The following ALKBH3 variants were observed in gnomAD, a reference collection of about 807,000 sequenced individuals.
ALKBH3 encodes alpha-ketoglutarate-dependent dioxygenase alkB homolog 3.
In ALKBH3, 51 loss-of-function variants were observed where a neutral mutation model predicts 43.9. The ratio of observed to expected loss-of-function variants is 1.16; its 90% CI spans 0.93 to 1.47. ALKBH3 has a LOEUF of 1.47. Ranked by LOEUF, ALKBH3 falls within the 40% of genes most tolerant of loss-of-function variation. ALKBH3 has a pLI of 0.00. For missense variants in ALKBH3, 361 were observed against 351.9 expected, an observed-to-expected ratio of 1.03 and a Z score of -0.21; for synonymous variants, 102 against 115.2, an observed-to-expected ratio of 0.89 and a Z score of 0.73.
rs1951770782 is a variant in ALKBH3 at position 43,889,807 on chromosome 11, C to G, written c.349C>G (p.Gln117Glu). Residue 117 changes from glutamine (Q) to glutamate (E), a missense_variant, in exon 6 of 10, where the codon CAG (glutamine) becomes GAG (glutamate). Physicochemically the swap from Gln to Glu is conservative, Grantham distance 29 (BLOSUM62 2). Transcript: ENST00000302708. ...EQLCQDVPWKQRTGIREDITY... is the reference protein window; with the variant it reads ...EQLCQDVPWKERTGIREDITY... ...GCTTTGTCAAGATGTTCCCTGGAAACAGAGGACTGGCATCAGAGAGGGTAA... is the reference window on the plus strand; with the variant it reads ...GCTTTGTCAAGATGTTCCCTGGAAAGAGAGGACTGGCATCAGAGAGGGTAA... 1 of 1,613,726 alleles carries G rather than the reference C, an allele frequency of 6.2e-7. No individual in the cohort carries two copies. Among genetic ancestry groups the G allele is most frequent in the African/African-American group, 1.3e-5 (1 of 74,916 alleles).
chr11:43,903,028 A>G (rs1228881352), intron 8 of ALKBH3, among the ~76,000 whole-genome samples: 2 of 152,214 alleles, frequency 1.3e-5, no homozygotes, highest in East Asian at 1.9e-4. Flanking sequence ...TTGGGTTTCC[A>G]TGCATGGTAT....
intron 5 of ALKBH3, among the ~76,000 whole-genome samples, chr11:43,887,311 A>AT (rs1193219542): frequency 2.0e-5 from 3 of 151,916 alleles, no homozygotes; most frequent in East Asian, 3.9e-4. Context: ...AAGATTGAAT[A>AT]TTTTTTTCTT....
intron 8 of ALKBH3, among the ~76,000 whole-genome samples, chr11:43,917,762 T>C (rs1244344726): frequency 6.6e-6 from 1 of 152,198 alleles, no homozygotes; most frequent in Non-Finnish European, 1.5e-5. Context: ...GGTAAATGTT[T>C]TGGTGCCCAC....
rs762652081 is a variant in ALKBH3 at position 43,919,965 on chromosome 11, G to C, written c.816G>C (p.Leu272=). 4 of 1,614,170 alleles carry C rather than the reference G, an allele frequency of 2.5e-6. No homozygotes were observed. Among genetic ancestry groups the C allele is most frequent in the Non-Finnish European group, 3.4e-6 (4 of 1,180,024 alleles). Residue 272 remains leucine, a synonymous_variant, in exon 10 of 10, where the codon CTG becomes CTC. Coordinates refer to ENST00000302708, the MANE Select transcript of ALKBH3 (RefSeq NM_139178.4). ...ACTCTAGAGAACCGAGAGTGAACCT[G>C]ACCTTTCGGACAGTCTATCCAGACC... is the stretch of plus-strand genomic sequence containing the variant. ...EYHSREPRVN[L]TFRTVYPDPR... is the part of the protein sequence containing the mutation.
chr11:43,889,856 G>A, intron 6 of ALKBH3, 28 bp downstream of exon 6: 1 of 1,553,928 alleles, frequency 6.4e-7, no homozygotes, highest in South Asian at 1.1e-5. Context: ...GTCACAGTTG[G>A]TGCTGCGTGT....
intron 7 of ALKBH3, among the ~76,000 whole-genome samples, chr11:43,892,387 T>C (rs938973919): frequency 2.0e-5 from 3 of 152,200 alleles, no homozygotes; most frequent in Non-Finnish European, 4.4e-5. Flanking sequence ...ATATCCCTCT[T>C]TCCCAAGCTT....
intron 8 of ALKBH3, among the ~76,000 whole-genome samples, chr11:43,918,077 C>T (rs985286739): frequency 1.3e-5 from 2 of 152,142 alleles, no homozygotes; most frequent in Admixed American, 6.5e-5. Context: ...CCCTTTCTAC[C>T]GGAAGTGAAG....
intron 6 of ALKBH3, among the ~76,000 whole-genome samples, chr11:43,890,757 G>A (rs368369577): frequency 9.2e-5 from 14 of 152,046 alleles, no homozygotes; most frequent in Non-Finnish European, 1.3e-4. Flanking sequence ...CCAGCTACTC[G>A]GGAGGCTGAG....
intron 8 of ALKBH3, among the ~76,000 whole-genome samples, chr11:43,915,510 G>A (rs1951976551): frequency 1.3e-5 from 2 of 152,078 alleles, no homozygotes; most frequent in African/African-American, 4.8e-5. Context: ...TCTGCTTGCA[G>A]CAGCTTTTTA....
intron 6 of ALKBH3, 138 bp from the exon 7 acceptor site, chr11:43,891,903 G>A (rs1951786798): frequency 4.6e-6 from 3 of 648,440 alleles, no homozygotes; most frequent in Non-Finnish European, 8.1e-6. Context: ...TTCTGTGAAG[G>A]TGGAACTTTG....
At position 43,901,699 on chromosome 11, in the gene ALKBH3, T is replaced by C. The variant is rs1203815692; in HGVS notation, c.643T>C (p.Phe215Leu). The stretch of plus-strand genomic sequence containing the variant: ...ACTAAGTTTTGGTGCCACACGCACA[T>C]TTGAGATGAGAAAGAAGCCACCACC... ...ASLSFGATRT[F>L]EMRKKPPPEE... The change falls in exon 8 of 10, where the codon TTT becomes CTT. Residue 215 changes from phenylalanine to leucine, a missense_variant. Transcript: ENST00000302708. 6.2e-7 allele frequency: 1 copy of C among 1,614,114 alleles called. No individual in the cohort carries two copies. The highest frequency in any genetic ancestry group is 8.5e-7 in the Non-Finnish European group (1 of 1,180,050).
chr11:43,884,133 T>A, intron 4 of ALKBH3, 116 bp downstream of exon 4: 1 of 1,181,890 alleles, frequency 8.5e-7, no homozygotes, highest in Non-Finnish European at 1.2e-6. Flanking sequence ...GTCTTAACTG[T>A]AGTCTGGGAT....
At chr11:43,910,629 G>T (rs1314211113) in intron 8 of ALKBH3, 1 of 152,182 alleles carries the variant, frequency 6.6e-6, no homozygotes, top group Non-Finnish European at 1.5e-5. Context: ...AACACCGTAA[G>T]TTATTTTCAG....
chr11:43,884,250 T>C (rs930836488), intron 4 of ALKBH3, among the ~76,000 whole-genome samples: 8 of 152,234 alleles, frequency 5.3e-5, no homozygotes, highest in Non-Finnish European at 8.8e-5. Context: ...CTTTGACTTG[T>C]GTAGATTTCC....
At chr11:43,901,434 C>CTT in intron 7 of ALKBH3, 82 bp from the exon 8 acceptor site, 1 of 1,546,820 alleles carries the variant, frequency 6.5e-7, no homozygotes, top group Non-Finnish European at 8.8e-7. Context: ...TGATTTTGCC[C>CTT]TTTCTTTTCT....
rs1241377263 is a variant in ALKBH3 at position 43,882,580 on chromosome 11, C to T, written c.-70-3C>T. The T allele has an allele frequency of 7.2e-7, 1 of 1,381,596 alleles. No homozygotes were observed. Among genetic ancestry groups the T allele is most frequent in the African/African-American group, 1.5e-5 (1 of 68,408 alleles). 85.6% of individuals were successfully genotyped at this position (1,381,596 alleles called of 1,614,324 possible). ...CACTGTTTTGTTTTGTTTTAATAAA[C>T]AGATACCATGGAGTAGTTTGAAACA... is the stretch of plus-strand genomic sequence containing the variant. On this transcript the variant is annotated splice_polypyrimidine_tract_variant and splice_region_variant and intron_variant, in intron 1 of 9. Transcript: ENST00000302708.
Position 43,913,796 on chromosome 11 carries a change from T to A in ALKBH3, c.670-5242T>A, listed in dbSNP as rs116927953. Among the ~76,000 whole-genome samples the A allele has an allele frequency of 4.5e-3, 682 of 152,368 alleles. 8 individuals are homozygous for A. The highest frequency in any genetic ancestry group is 0.026 in the East Asian group (134 of 5,196). On this transcript the variant is annotated intron_variant, in intron 8 of 9. Transcript: ENST00000302708. ...TCATGTCATGGACCTATCAGCAGCATAGCTGGGCAACCCTGGAGCTGAATC... is the reference window on the plus strand; with the variant it reads ...TCATGTCATGGACCTATCAGCAGCAAAGCTGGGCAACCCTGGAGCTGAATC...
intron 6 of ALKBH3, among the ~76,000 whole-genome samples, chr11:43,891,088 G>A (rs920879180): frequency 1.3e-5 from 2 of 152,050 alleles, no homozygotes; most frequent in African/African-American, 2.4e-5. Flanking sequence ...GGTGGATGTG[G>A]AACCCACAGA....
At chr11:43,900,254 C>T (rs1199568329) in intron 7 of ALKBH3, among the ~76,000 whole-genome samples, 2 of 107,342 alleles carry the variant, frequency 1.9e-5, no homozygotes, top group South Asian at 3.3e-4. Context: ...GACAGAGTCT[C>T]GCTCTGTTAC....
Sources: gnomAD v4.1 joint callset for allele counts (sites outside exome capture counted in the v4.1 genomes callset) on GRCh38, gnomAD v4.1.1 for gene constraint, MANE v1.5 for transcripts, NCBI Gene and HGNC (gene_info 2026-07-23, HGNC 2026-07-21) for gene names.